Variants in PSEN1 observed in about 807,000 individuals in gnomAD.
The protein encoded by PSEN1 is presenilin-1.
Under a neutral mutation model 53.5 loss-of-function variants are expected in PSEN1, and 15 were observed. The ratio of observed to expected loss-of-function variants is 0.28; its 90% CI spans 0.19 to 0.43. The LOEUF (loss-of-function observed/expected upper bound fraction) is 0.43, where lower values mean the gene tolerates loss of function less well. PSEN1 is among the 20% of genes least tolerant of loss of function. The probability of loss-of-function intolerance (pLI) is 1.00; values close to 1 mark genes in which losing one functional copy is unlikely to be tolerated. For missense variants in PSEN1, 387 were observed against 571.2 expected, an observed-to-expected ratio of 0.68 and a Z score of 3.29; for synonymous variants, 208 against 209.8, an observed-to-expected ratio of 0.99 and a Z score of 0.08.
chr14:73,173,479 AAAAG>A, intron 4 of PSEN1, 83 bp from the exon 5 acceptor site: 1 of 1,390,292 alleles, frequency 7.2e-7, no homozygotes. Flanking sequence ...TGAATTAAGA[AAAAG>A]AAAATTCTGT....
chr14:73,143,852 A>G (rs889665543), intron 1 of PSEN1, among the ~76,000 whole-genome samples: 27 of 152,048 alleles, frequency 1.8e-4, no homozygotes, highest in Middle Eastern at 3.4e-3. Flanking sequence ...CTAAATAAAA[A>G]ACTAGCCACC....
chr14:73,181,140 T>C (rs1898199710), intron 5 of PSEN1, among the ~76,000 whole-genome samples: 1 of 152,178 alleles, frequency 6.6e-6, no homozygotes, highest in African/African-American at 2.4e-5. Context: ...TATTTTGTCA[T>C]TTAAAAATCA....
At chr14:73,146,377 G>A (rs1190204401) in intron 1 of PSEN1, among the ~76,000 whole-genome samples, 1 of 151,944 alleles carries the variant, frequency 6.6e-6, no homozygotes, top group African/African-American at 2.4e-5. Flanking sequence ...TAGAGATAGT[G>A]TTTTCCTATG....
At chr14:73,195,920 C>A (rs551903081) in intron 7 of PSEN1, among the ~76,000 whole-genome samples, 2 of 152,298 alleles carry the variant, frequency 1.3e-5, no homozygotes, top group African/African-American at 4.8e-5. Flanking sequence ...TTTGCCTAAG[C>A]CTAAACTCTG....
intron 3 of PSEN1, among the ~76,000 whole-genome samples, chr14:73,159,334 A>G (rs535814233): frequency 6.6e-6 from 1 of 152,260 alleles, no homozygotes; most frequent in East Asian, 1.9e-4. Flanking sequence ...GATGTGTGCC[A>G]CTGCACCCAG....
intron 3 of PSEN1, among the ~76,000 whole-genome samples, chr14:73,155,540 A>G (rs1331163833): frequency 2.0e-5 from 3 of 151,892 alleles, no homozygotes; most frequent in Non-Finnish European, 2.9e-5. Context: ...GTCTCCTTCT[A>G]TCACCCAGGC....
At chr14:73,151,896 T>TATA (rs1897239992) in intron 3 of PSEN1, among the ~76,000 whole-genome samples, 1 of 10,916 alleles carries the variant, frequency 9.2e-5, no homozygotes, top group African/African-American at 7.8e-4. Context: ...ATATATATAT[T>TATA]TTTTTTTTTT....
intron 1 of PSEN1, among the ~76,000 whole-genome samples, chr14:73,141,806 G>A (rs559485868): frequency 2.6e-4 from 40 of 151,584 alleles, no homozygotes; most frequent in African/African-American, 9.4e-4. Flanking sequence ...CGTGGCTCAC[G>A]CCTGTAATCC....
At chr14:73,184,363 C>T (rs1464632926) in intron 5 of PSEN1, among the ~76,000 whole-genome samples, 2 of 129,450 alleles carry the variant, frequency 1.5e-5, no homozygotes, top group African/African-American at 3.0e-5. Context: ...CCTCACCTCC[C>T]GGACGGGGCG....
At chr14:73,193,246 G>A (rs1898798286) in intron 7 of PSEN1, among the ~76,000 whole-genome samples, 1 of 152,046 alleles carries the variant, frequency 6.6e-6, no homozygotes, top group Non-Finnish European at 1.5e-5. Flanking sequence ...GGAGGTCAAG[G>A]CTGCAGTGAG....
chr14:73,173,533 T>C (rs1327758305), intron 4 of PSEN1, 33 bp from the exon 5 acceptor site: 1 of 1,611,380 alleles, frequency 6.2e-7, no homozygotes, highest in South Asian at 1.1e-5. Context: ...CCATTAACAC[T>C]GACCTAGGGC....
chr14:73,197,610 A>C (rs1899007642), intron 7 of PSEN1: 1 of 185,486 alleles, frequency 5.4e-6, no homozygotes, highest in Non-Finnish European at 1.1e-5. Context: ...TCTCAGAGTA[A>C]TCTTTTTAAT....
intron 6 of PSEN1, among the ~76,000 whole-genome samples, chr14:73,191,288 T>C (rs1898703893): frequency 6.6e-6 from 1 of 152,204 alleles, no homozygotes; most frequent in Non-Finnish European, 1.5e-5. Context: ...TTTGCATAAA[T>C]GGGATCATAA....
intron 6 of PSEN1, among the ~76,000 whole-genome samples, chr14:73,187,251 G>T (rs1285327627): frequency 6.6e-6 from 1 of 152,036 alleles, no homozygotes; most frequent in Non-Finnish European, 1.5e-5. Flanking sequence ...CAAAATAATT[G>T]ATTTTCATAC....
intron 3 of PSEN1, among the ~76,000 whole-genome samples, chr14:73,166,049 A>AAATAAT (rs34006824): frequency 0.013 from 1,975 of 149,202 alleles, 29 homozygotes; most frequent in Non-Finnish European, 0.019. Flanking sequence ...TCTGTCTCCA[A>AAATAAT]AATAATAATA....
At chr14:73,199,621 A>T (rs1411442029) in intron 8 of PSEN1, among the ~76,000 whole-genome samples, 1 of 152,230 alleles carries the variant, frequency 6.6e-6, no homozygotes, top group Non-Finnish European at 1.5e-5. Context: ...CTTACAGTAG[A>T]ATTGCTAAGT....
chr14:73,176,139 A>G (rs1898042044), intron 5 of PSEN1, among the ~76,000 whole-genome samples: 1 of 152,254 alleles, frequency 6.6e-6, no homozygotes, highest in African/African-American at 2.4e-5. Context: ...ATAATCTATT[A>G]GTAATGTATG....
intron 3 of PSEN1, among the ~76,000 whole-genome samples, chr14:73,154,449 A>G (rs1335268471): frequency 1.3e-5 from 2 of 151,184 alleles, no homozygotes; most frequent in African/African-American, 4.9e-5. Context: ...AAAAAAGTGA[A>G]AATTAGTGGG....
At chr14:73,156,673 T>G (rs1238687134) in intron 3 of PSEN1, among the ~76,000 whole-genome samples, 1 of 151,886 alleles carries the variant, frequency 6.6e-6, no homozygotes, top group Admixed American at 6.6e-5. Context: ...TTGTTTGTTT[T>G]TTTTTTTGAG....
Sources: allele counts gnomAD v4.1 joint callset (sites outside exome capture counted in the v4.1 genomes callset), GRCh38; gene constraint gnomAD v4.1.1; transcripts MANE v1.5; gene names NCBI Gene and HGNC (gene_info 2026-07-23, HGNC 2026-07-21).